LPP: variants seen among roughly 807,000 people sequenced by gnomAD.
LPP encodes lipoma-preferred partner.
A neutral mutation model predicts 60.4 loss-of-function variants in LPP; 38 were observed. The ratio of observed to expected loss-of-function variants is 0.63; its 90% CI spans 0.49 to 0.83. The LOEUF is 0.83. Ranked by LOEUF, LPP falls within the 40% of genes least tolerant of loss-of-function variation. The probability of loss-of-function intolerance (pLI) is 0.00; values close to 1 mark genes in which losing one functional copy is unlikely to be tolerated. For synonymous variants in LPP, 328 were observed against 290.8 expected, an observed-to-expected ratio of 1.13 and a Z score of -1.30; for missense variants, 902 against 783.6, an observed-to-expected ratio of 1.15 and a Z score of -1.80.
chr3:188,446,090 G>A (rs1795166525), intron 4 of LPP, among the ~76,000 whole-genome samples: 1 of 152,210 alleles, frequency 6.6e-6, no homozygotes, highest in African/African-American at 2.4e-5. Flanking sequence ...CTTGCCACAT[G>A]TGTTCTATGC....
At chr3:188,748,505 C>CG (rs1727013891) in intron 8 of LPP, among the ~76,000 whole-genome samples, 1 of 152,058 alleles carries the variant, frequency 6.6e-6, no homozygotes. Context: ...AACAACAGGC[C>CG]GGGCACAGCG....
intron 6 of LPP, among the ~76,000 whole-genome samples, chr3:188,602,978 A>G (rs1841707853): frequency 6.6e-6 from 1 of 151,342 alleles, no homozygotes; most frequent in African/African-American, 2.4e-5. Context: ...CTCATGCACT[A>G]CAGGTGACCT....
intron 2 of LPP, among the ~76,000 whole-genome samples, chr3:188,264,436 G>A (rs1456808654): frequency 2.0e-5 from 3 of 151,972 alleles, no homozygotes; most frequent in Admixed American, 2.0e-4. Context: ...AACGGGATGA[G>A]AATATGTTAT....
At chr3:188,756,197 G>T (rs888934874) in intron 8 of LPP, among the ~76,000 whole-genome samples, 3 of 152,128 alleles carry the variant, frequency 2.0e-5, no homozygotes, top group Non-Finnish European at 4.4e-5. Flanking sequence ...AAGAAGAATT[G>T]TTGGCTGAAT....
At chr3:188,683,512 G>A (rs1330018468) in intron 7 of LPP, among the ~76,000 whole-genome samples, 1 of 152,070 alleles carries the variant, frequency 6.6e-6, no homozygotes, top group Non-Finnish European at 1.5e-5. Context: ...TCTATATTTA[G>A]TCAAAAGCCT....
chr3:188,613,736 G>GT (rs1844314696), intron 7 of LPP, among the ~76,000 whole-genome samples: 1 of 151,888 alleles, frequency 6.6e-6, no homozygotes. Flanking sequence ...TGGATTTCGA[G>GT]TTTGGGGCAT....
intron 4 of LPP, among the ~76,000 whole-genome samples, chr3:188,415,922 A>G (rs1786148899): frequency 6.6e-6 from 1 of 152,140 alleles, no homozygotes; most frequent in Non-Finnish European, 1.5e-5. Context: ...GCACACACAA[A>G]TCAATGCAGG....
At chr3:188,446,776 G>A (rs1795333570) in intron 4 of LPP, among the ~76,000 whole-genome samples, 1 of 152,178 alleles carries the variant, frequency 6.6e-6, no homozygotes, top group Non-Finnish European at 1.5e-5. Flanking sequence ...GTTGCCCAGG[G>A]AATGATTGGA....
intron 8 of LPP, chr3:188,746,618 A>G: frequency 2.2e-6 from 1 of 465,042 alleles, no homozygotes; most frequent in South Asian, 1.6e-5. Flanking sequence ...GATGCAAGAA[A>G]CCGTTACTGA....
At chr3:188,674,969 G>A (rs1009495646) in intron 7 of LPP, among the ~76,000 whole-genome samples, 1 of 152,228 alleles carries the variant, frequency 6.6e-6, no homozygotes, top group Non-Finnish European at 1.5e-5. Flanking sequence ...TGTTGCATAA[G>A]TCCTTGGCAA....
rs148695954 is a variant in LPP at position 188,528,095 on chromosome 3, T to C, written c.429+3308T>C. ...GAAAAGTTCAGACATATTCCTGTAG[T>C]GAATTGCAGATAAAATGTGAGCATA... On this transcript the variant is annotated intron_variant, in intron 6 of 11. Coordinates refer to ENST00000617246, the MANE Select transcript of LPP (RefSeq NM_001375462.1). Among the ~76,000 whole-genome samples, 940 of 152,314 alleles carry C rather than the reference T, an allele frequency of 6.2e-3. 8 individuals are homozygous for C. Among genetic ancestry groups the C allele is most frequent in the Non-Finnish European group, 9.8e-3 (670 of 68,026 alleles).
intron 6 of LPP, chr3:188,568,237 G>T (rs532451082): frequency 6.6e-5 from 10 of 151,916 alleles, no homozygotes; most frequent in African/African-American, 2.2e-4. Flanking sequence ...CAACTTGTAG[G>T]TTTCAGGCTC....
chr3:188,697,879 T>A (rs941639895), intron 7 of LPP, among the ~76,000 whole-genome samples: 11 of 146,954 alleles, frequency 7.5e-5, no homozygotes, highest in African/African-American at 3.0e-4. Flanking sequence ...TTTTCATATC[T>A]TCTTATTTTT....
intron 7 of LPP, among the ~76,000 whole-genome samples, chr3:188,662,915 A>C (rs1854914661): frequency 6.6e-6 from 1 of 152,288 alleles, no homozygotes; most frequent in Non-Finnish European, 1.5e-5. Flanking sequence ...AGAAAAGATC[A>C]AATTCCCTGT....
At chr3:188,442,220 C>T (rs1482772419) in intron 4 of LPP, among the ~76,000 whole-genome samples, 2 of 152,106 alleles carry the variant, frequency 1.3e-5, no homozygotes, top group African/African-American at 4.8e-5. Flanking sequence ...GTTTGCTGCA[C>T]CCATCAACTC....
chr3:188,660,180 C>G (rs757738747), intron 7 of LPP, among the ~76,000 whole-genome samples: 22 of 152,078 alleles, frequency 1.4e-4, no homozygotes, highest in Non-Finnish European at 2.9e-4. Flanking sequence ...CCTTGGTTCT[C>G]CTGATGTGTG....
intron 9 of LPP, among the ~76,000 whole-genome samples, chr3:188,793,783 A>G (rs1744541612): frequency 6.6e-6 from 1 of 152,100 alleles, no homozygotes; most frequent in Non-Finnish European, 1.5e-5. Context: ...TGTAGGTGGC[A>G]ACCAGGTACA....
rs76993248 is a variant in LPP, at chr3:188,368,773, C to T, written c.-10+27054C>T. 4.8e-3 allele frequency among the ~76,000 whole-genome samples: 723 copies of T among 149,258 alleles called. 4 individuals carry two copies. The highest frequency in any genetic ancestry group is 0.017 in the African/African-American group (676 of 40,616). On this transcript the variant is annotated intron_variant, in intron 3 of 11. Coordinates refer to ENST00000617246, the MANE Select transcript of LPP (RefSeq NM_001375462.1). ...AACAGATGAAAGCCATGATTAGGAA[C>T]ATTTTATGCTCAAGGTGAGAAGACC...
At chr3:188,374,777 C>T (rs906175627) in intron 3 of LPP, among the ~76,000 whole-genome samples, 2 of 152,132 alleles carry the variant, frequency 1.3e-5, no homozygotes, top group African/African-American at 2.4e-5. Flanking sequence ...GCATCCCTGT[C>T]TTGTGCCCAT....
Sources: gnomAD v4.1 joint callset for allele counts (sites outside exome capture counted in the v4.1 genomes callset) on GRCh38, gnomAD v4.1.1 for gene constraint, MANE v1.5 for transcripts, NCBI Gene and HGNC (gene_info 2026-07-23, HGNC 2026-07-21) for gene names.